The following USP15 variants were observed in gnomAD, a reference collection of about 807,000 sequenced individuals.
The protein encoded by USP15 is ubiquitin carboxyl-terminal hydrolase 15.
A neutral mutation model predicts 127.1 loss-of-function variants in USP15; 18 were observed. The observed-to-expected ratio is 0.14, with a 90% CI of 0.10 to 0.21. The LOEUF (loss-of-function observed/expected upper bound fraction) is 0.21, where lower values mean the gene tolerates loss of function less well. Ranked by LOEUF, USP15 falls within the 10% of genes least tolerant of loss-of-function variation. The probability of loss-of-function intolerance (pLI) is 1.00; values close to 1 mark genes in which losing one functional copy is unlikely to be tolerated. For missense variants in USP15, 805 were observed against 1,159.9 expected, an observed-to-expected ratio of 0.69 and a Z score of 4.44; for synonymous variants, 364 against 393.7, an observed-to-expected ratio of 0.92 and a Z score of 0.89.
At chr12:62,313,330 T>C (rs984698628) in intron 3 of USP15, among the ~76,000 whole-genome samples, 4 of 151,698 alleles carry the variant, frequency 2.6e-5, no homozygotes, top group Non-Finnish European at 5.9e-5. Context: ...AGAAAGTATA[T>C]ACCTCAATAT....
At chr12:62,283,532 A>G (rs766079029) in intron 1 of USP15, among the ~76,000 whole-genome samples, 1 of 152,248 alleles carries the variant, frequency 6.6e-6, no homozygotes, top group Non-Finnish European at 1.5e-5. Flanking sequence ...GAAAGGAATG[A>G]TTAAACACAT....
At chr12:62,356,284 G>A (rs181024528) in intron 8 of USP15, among the ~76,000 whole-genome samples, 2 of 151,036 alleles carry the variant, frequency 1.3e-5, no homozygotes. Context: ...TTTTTTTGTT[G>A]AATCTCCTAT....
intron 2 of USP15, among the ~76,000 whole-genome samples, chr12:62,296,339 T>C (rs1321651854): frequency 6.6e-6 from 1 of 152,174 alleles, no homozygotes; most frequent in Non-Finnish European, 1.5e-5. Flanking sequence ...TGTGAACTAA[T>C]AAATCGGTGA....
At chr12:62,261,300 A>G (rs1565793837) in intron 1 of USP15, among the ~76,000 whole-genome samples, 1 of 152,230 alleles carries the variant, frequency 6.6e-6, no homozygotes, top group Non-Finnish European at 1.5e-5. Context: ...AAAATACTGA[A>G]GGATGTATGT....
At position 62,404,686 on chromosome 12, in the gene USP15, T is replaced by C. The variant is rs1247317792; in HGVS notation, c.*311T>C. On this transcript the variant is annotated 3_prime_UTR_variant, in exon 22 of 22. Transcript: ENST00000280377. ...TATGTTTCCTTTAATTTTTTGGATG[T>C]GAGTTGATGACAAATGTTAAATTTG... is the stretch of plus-strand genomic sequence containing the variant. The C allele has an allele frequency of 6.4e-5, 11 of 171,886 alleles. No homozygotes were observed. The highest frequency in any genetic ancestry group is 5.6e-4 in the Admixed American group (9 of 16,164). The allele number at this position is 171,886 out of a possible 1,614,324, so 10.6% of individuals were successfully genotyped here.
Position 62,413,541 on chromosome 12 carries a change from A to C in USP15, c.*9166A>C, listed in dbSNP as rs1169646876. Reference sequence around the variant, plus strand: ...ACTTTAGCAGTTGCTGCTTCACCTTATGCTTGTCTGTTGTGGAGACAGCTT... The same window carrying C: ...ACTTTAGCAGTTGCTGCTTCACCTTCTGCTTGTCTGTTGTGGAGACAGCTT... On this transcript the variant is annotated 3_prime_UTR_variant, in exon 22 of 22. Transcript: ENST00000280377. 1.3e-5 allele frequency: 2 copies of C among 152,204 alleles called. No homozygotes were observed. Among genetic ancestry groups the C allele is most frequent in the East Asian group, 3.9e-4 (2 of 5,182 alleles). The allele number at this position is 152,204 out of a possible 1,614,324, so 9.4% of individuals were successfully genotyped here.
intron 8 of USP15, among the ~76,000 whole-genome samples, chr12:62,375,299 T>C (rs560829768): frequency 2.4e-4 from 37 of 152,294 alleles, no homozygotes; most frequent in Admixed American, 1.6e-3. Flanking sequence ...TCATTTGGAC[T>C]TTTATTTTTG....
Position 62,355,370 on chromosome 12 carries a change from T to G in USP15, c.810T>G (p.Ala270=). 1 of 1,611,120 alleles carries G rather than the reference T, an allele frequency of 6.2e-7. No individual in the cohort carries two copies. The highest frequency in any genetic ancestry group is 8.5e-7 in the Non-Finnish European group (1 of 1,178,344). Reference sequence around the variant, plus strand: ...ATTACTGTCTTCCATCATATACCGCTTATAAGAACTATGATTATTCGGAAC... The same window carrying G: ...ATTACTGTCTTCCATCATATACCGCGTATAAGAACTATGATTATTCGGAAC... ...NSNYCLPSYT[A]YKNYDYSEPG... is the part of the protein sequence containing the mutation. Residue 270 remains alanine (A), a synonymous_variant, in exon 8 of 22, where the codon GCT becomes GCG. Coordinates refer to ENST00000280377, the MANE Select transcript of USP15 (RefSeq NM_001252078.2).
intron 2 of USP15, 23 bp from the exon 3 acceptor site, chr12:62,302,767 T>C (rs987415134): frequency 3.8e-6 from 6 of 1,597,238 alleles, no homozygotes; most frequent in Admixed American, 1.7e-5. Flanking sequence ...AGTTAGGTAT[T>C]GAGTTTATTT....
chr12:62,344,457 G>T (rs970663109), intron 6 of USP15, among the ~76,000 whole-genome samples: 4 of 152,190 alleles, frequency 2.6e-5, no homozygotes, highest in African/African-American at 9.6e-5. Context: ...GCTTTGCAGG[G>T]TGTAGCCCCA....
intron 18 of USP15, 125 bp downstream of exon 18, chr12:62,392,512 TTATA>T: frequency 1.5e-6 from 1 of 676,092 alleles, no homozygotes; most frequent in Non-Finnish European, 2.4e-6. Context: ...AAAGGATTCT[TTATA>T]TAAGTTGTAG....
At chr12:62,317,234 C>T (rs749992914) in intron 4 of USP15, among the ~76,000 whole-genome samples, 12 of 152,132 alleles carry the variant, frequency 7.9e-5, no homozygotes, top group Non-Finnish European at 1.6e-4. Context: ...GAATTTTAGA[C>T]ACTTCATGGT....
At chr12:62,272,090 T>G (rs537588970) in intron 1 of USP15, among the ~76,000 whole-genome samples, 28 of 151,888 alleles carry the variant, frequency 1.8e-4, no homozygotes, top group African/African-American at 6.5e-4. Context: ...TTATAATAAT[T>G]TAAAATACTA....
At chr12:62,380,239 A>G (rs961838296) in intron 8 of USP15, among the ~76,000 whole-genome samples, 1 of 151,802 alleles carries the variant, frequency 6.6e-6, no homozygotes, top group Non-Finnish European at 1.5e-5. Context: ...TTTATTATAT[A>G]GAAAGTTTCT....
chr12:62,309,688 T>C (rs1052688683), intron 3 of USP15, among the ~76,000 whole-genome samples: 3 of 152,014 alleles, frequency 2.0e-5, no homozygotes, highest in African/African-American at 4.8e-5. Flanking sequence ...TCCAGCATTA[T>C]GTAAAAAGGA....
At chr12:62,262,923 GA>G (rs1021351248) in intron 1 of USP15, among the ~76,000 whole-genome samples, 8 of 151,990 alleles carry the variant, frequency 5.3e-5, no homozygotes, top group Non-Finnish European at 8.8e-5. Context: ...TCTCTTAAAG[GA>G]AAAAAACTGC....
At chr12:62,401,589 G>GTTT (rs2067689788) in intron 21 of USP15, among the ~76,000 whole-genome samples, 1 of 151,798 alleles carries the variant, frequency 6.6e-6, no homozygotes, top group Non-Finnish European at 1.5e-5. Flanking sequence ...TCTAGACATT[G>GTTT]AGTACTTAAA....
intron 6 of USP15, among the ~76,000 whole-genome samples, chr12:62,326,528 A>G (rs923980661): frequency 1.0e-4 from 15 of 143,156 alleles, no homozygotes; most frequent in African/African-American, 3.7e-4. Flanking sequence ...CATTACTGTA[A>G]TGTTTCTGTT....
At chr12:62,283,475 T>G (rs2063706988) in intron 1 of USP15, among the ~76,000 whole-genome samples, 1 of 152,134 alleles carries the variant, frequency 6.6e-6, no homozygotes, top group Non-Finnish European at 1.5e-5. Context: ...TTAGGAGCCC[T>G]AGCCAAGAAA....
Sources: allele counts gnomAD v4.1 joint callset (sites outside exome capture counted in the v4.1 genomes callset), GRCh38; gene constraint gnomAD v4.1.1; transcripts MANE v1.5; gene names NCBI Gene and HGNC (gene_info 2026-07-23, HGNC 2026-07-21).